Variants in TLL2 observed in about 807,000 individuals in gnomAD.
The protein encoded by TLL2 is tolloid-like protein 2.
TLL2 carries 106 observed loss-of-function variants against 123.0 expected under a neutral mutation model. The observed-to-expected ratio is 0.86, with a 90% CI of 0.74 to 1.01. The LOEUF (loss-of-function observed/expected upper bound fraction) is 1.01, where lower values mean the gene tolerates loss of function less well. Among genes scored for constraint, TLL2 ranks in the 50% least tolerant of loss-of-function variants. The pLI is 0.00. For missense variants in TLL2, 1,332 were observed against 1,336.7 expected (o/e 1.00, Z 0.06); for synonymous variants, 494 against 516.8 (o/e 0.96, Z 0.60).
chr10:96,491,117 T>A (rs572917237), intron 1 of TLL2, among the ~76,000 whole-genome samples: 9 of 152,238 alleles, frequency 5.9e-5, no homozygotes, highest in East Asian at 1.9e-4. Context: ...GCGGTGGCTT[T>A]CGCCTATAAT....
At chr10:96,512,820 G>C (rs1170252663) in intron 1 of TLL2, among the ~76,000 whole-genome samples, 1 of 152,212 alleles carries the variant, frequency 6.6e-6, no homozygotes, top group Non-Finnish European at 1.5e-5. Flanking sequence ...GAGGAAGCGG[G>C]AGCTGCAGCG....
intron 5 of TLL2, among the ~76,000 whole-genome samples, chr10:96,426,114 G>A (rs897524505): frequency 1.3e-5 from 2 of 151,958 alleles, no homozygotes; most frequent in Non-Finnish European, 2.9e-5. Context: ...TATTGTACAG[G>A]TGCCTTTTAG....
At chr10:96,398,981 C>A (rs1846366218) in intron 10 of TLL2, among the ~76,000 whole-genome samples, 1 of 149,664 alleles carries the variant, frequency 6.7e-6, no homozygotes, top group Non-Finnish European at 1.5e-5. Context: ...AAGGGATTCT[C>A]CTGCCTCACC....
chr10:96,499,357 C>A (rs1466249026), intron 1 of TLL2, among the ~76,000 whole-genome samples: 1 of 152,196 alleles, frequency 6.6e-6, no homozygotes, highest in East Asian at 1.9e-4. Context: ...GGGGTGGCTT[C>A]CTCCTTCCCT....
chr10:96,457,294 C>A (rs1847026694), intron 2 of TLL2, among the ~76,000 whole-genome samples: 1 of 152,178 alleles, frequency 6.6e-6, no homozygotes, highest in Admixed American at 6.5e-5. Context: ...AGGCCCCAGC[C>A]TGCTGCACCC....
At chr10:96,409,178 C>T (rs1305420734) in intron 9 of TLL2, among the ~76,000 whole-genome samples, 1 of 152,256 alleles carries the variant, frequency 6.6e-6, no homozygotes, top group East Asian at 1.9e-4. Context: ...CTCAGCCCCT[C>T]ATCCATCCAC....
intron 16 of TLL2, among the ~76,000 whole-genome samples, chr10:96,384,333 C>A (rs1412586542): frequency 6.6e-6 from 1 of 152,188 alleles, no homozygotes; most frequent in African/African-American, 2.4e-5. Flanking sequence ...GCCCCCAGAA[C>A]TGTAAGAATA....
At chr10:96,448,740 C>T (rs1344511080) in intron 2 of TLL2, among the ~76,000 whole-genome samples, 1 of 152,064 alleles carries the variant, frequency 6.6e-6, no homozygotes, top group Non-Finnish European at 1.5e-5. Flanking sequence ...ACAGCAAGTG[C>T]AAAGGCCCTG....
chr10:96,369,884 C>T (rs1221257426), intron 20 of TLL2, among the ~76,000 whole-genome samples, 181 bp downstream of exon 20: 1 of 152,212 alleles, frequency 6.6e-6, no homozygotes, highest in Non-Finnish European at 1.5e-5. Context: ...CCCTGGCTGC[C>T]TCCCAACCTC....
At chr10:96,467,505 T>A (rs1750787702) in intron 2 of TLL2, among the ~76,000 whole-genome samples, 1 of 152,218 alleles carries the variant, frequency 6.6e-6, no homozygotes, top group Non-Finnish European at 1.5e-5. Context: ...AGTGCTGGGA[T>A]TACAGCTGTG....
intron 16 of TLL2, 59 bp from the exon 17 acceptor site, chr10:96,379,151 G>A: frequency 1.9e-6 from 3 of 1,580,084 alleles, no homozygotes; most frequent in Non-Finnish European, 1.7e-6. Flanking sequence ...GTCCCTCAGG[G>A]CTCAGAATCC....
chr10:96,481,603 C>T (rs1157304193), intron 1 of TLL2, among the ~76,000 whole-genome samples: 4 of 152,290 alleles, frequency 2.6e-5, no homozygotes, highest in South Asian at 4.1e-4. Flanking sequence ...TATGCAGTGA[C>T]GGTGACGAAG....
intron 7 of TLL2, among the ~76,000 whole-genome samples, chr10:96,418,754 AATAATT>A (rs1383489595): frequency 7.3e-6 from 1 of 136,742 alleles, no homozygotes; most frequent in African/African-American, 3.3e-5. Flanking sequence ...TTTATAAAAT[AATAATT>A]ATTAATAGCT....
chr10:96,456,200 A>G (rs768568961), intron 2 of TLL2, among the ~76,000 whole-genome samples: 5 of 152,206 alleles, frequency 3.3e-5, no homozygotes, highest in African/African-American at 1.2e-4. Flanking sequence ...TCCAGCCTCA[A>G]TCCTCGATAG....
At chr10:96,385,910 C>T in intron 15 of TLL2, 145 bp downstream of exon 15, 1 of 793,574 alleles carries the variant, frequency 1.3e-6, no homozygotes, top group Non-Finnish European at 1.7e-6. Flanking sequence ...AAACATTCCC[C>T]CAGATTCTGC....
chr10:96,458,155 T>C (rs192659619), intron 2 of TLL2, among the ~76,000 whole-genome samples: 345 of 152,010 alleles, frequency 2.3e-3, no homozygotes, highest in Non-Finnish European at 1.6e-3. Flanking sequence ...ACCATGATGT[T>C]CTGAGGTGTG....
At chr10:96,390,695 G>C (rs529696933) in intron 13 of TLL2, among the ~76,000 whole-genome samples, 33 of 152,340 alleles carry the variant, frequency 2.2e-4, no homozygotes, top group Admixed American at 3.3e-4. Flanking sequence ...TGCTAGGTAC[G>C]TTGTGTTCAC....
chr10:96,383,545 C>T (rs1040657256), intron 16 of TLL2, among the ~76,000 whole-genome samples: 2 of 152,182 alleles, frequency 1.3e-5, no homozygotes, highest in Non-Finnish European at 2.9e-5. Context: ...ATGCCTTTGC[C>T]TTCTGCCATG....
chr10:96,455,559 C>A (rs530223548), intron 2 of TLL2, among the ~76,000 whole-genome samples: 1 of 151,484 alleles, frequency 6.6e-6, no homozygotes, highest in Admixed American at 6.6e-5. Flanking sequence ...CGGCCCAAAC[C>A]TACCAAAACC....
Sources: gnomAD v4.1 joint callset for allele counts (sites outside exome capture counted in the v4.1 genomes callset) on GRCh38, gnomAD v4.1.1 for gene constraint, MANE v1.5 for transcripts, NCBI Gene and HGNC (gene_info 2026-07-23, HGNC 2026-07-21) for gene names.